Variants in IL1RAPL1 observed in about 807,000 individuals in gnomAD.
IL1RAPL1 encodes the protein interleukin 1 receptor accessory protein like 1, also known as interleukin-1 receptor accessory protein-like 1.
In IL1RAPL1, 3 loss-of-function variants were observed where a neutral mutation model predicts 48.4. The ratio of observed to expected loss-of-function variants is 0.06; its 90% confidence interval spans 0.03 to 0.16. IL1RAPL1 has a LOEUF of 0.16. Among genes scored for constraint, IL1RAPL1 ranks in the 10% least tolerant of loss-of-function variants. IL1RAPL1 has a pLI of 1.00. For missense variants in IL1RAPL1, 349 were observed against 530.6 expected (o/e 0.66, Z 3.36); for synonymous variants, 185 against 187.7 (o/e 0.99, Z 0.12).
At chrX:28,708,065 C>G (rs1002974558) in intron 1 of IL1RAPL1, among the ~76,000 whole-genome samples, 2 of 111,351 alleles carry the variant, frequency 1.8e-5, no homozygotes, top group African/African-American at 3.3e-5. Flanking sequence ...ACCCAGGGAG[C>G]TTGCAAGGCC....
chrX:29,247,144 A>C (rs1457285731), intron 2 of IL1RAPL1, among the ~76,000 whole-genome samples: 1 of 112,030 alleles, frequency 8.9e-6, no homozygotes, highest in Non-Finnish European at 1.9e-5. Flanking sequence ...CTATGCCTAG[A>C]TATTTACTGT....
intron 1 of IL1RAPL1, among the ~76,000 whole-genome samples, chrX:28,741,204 TA>T (rs1362100500): frequency 1.2e-4 from 13 of 111,879 alleles, no homozygotes; most frequent in Admixed American, 1.0e-3. Flanking sequence ...CAATATCTGT[TA>T]TTTTTTTACT....
At chrX:29,846,874 A>C (rs1358130833) in intron 6 of IL1RAPL1, among the ~76,000 whole-genome samples, 1 of 109,263 alleles carries the variant, frequency 9.2e-6, no homozygotes, top group Admixed American at 9.9e-5. Context: ...ATTTTAGCTT[A>C]TGTCCCTATG....
At chrX:29,918,217 T>G (rs1932817876) in intron 7 of IL1RAPL1, among the ~76,000 whole-genome samples, 1 of 83,075 alleles carries the variant, frequency 1.2e-5, no homozygotes, top group African/African-American at 4.6e-5. Flanking sequence ...AGTGTACTTT[T>G]TGTATATGAG....
At position 29,884,961 on chromosome X, in the gene IL1RAPL1, C is replaced by A. The variant is rs572614560; in HGVS notation, c.779-32503C>A. 2.8e-4 allele frequency among the ~76,000 whole-genome samples: 31 copies of A among 111,704 alleles called. No homozygotes were observed. In the Admixed American group the frequency reaches 2.9e-3, roughly 11 times the overall value. On this transcript the variant is annotated intron_variant, in intron 6 of 10. Coordinates refer to ENST00000378993, the MANE Select transcript of IL1RAPL1 (RefSeq NM_014271.4). ...ATAAGGCACTTACCACAGTTTGTTG[C>A]TCCAAAGCTCTCTGTTTTACATTGT...
chrX:29,412,134 G>A (rs189148142), intron 5 of IL1RAPL1, among the ~76,000 whole-genome samples: 2 of 111,084 alleles, frequency 1.8e-5, no homozygotes, highest in East Asian at 5.6e-4. Flanking sequence ...AGCCAGGCGT[G>A]GTGGTCCGCG....
chrX:29,172,983 C>A (rs964590450), intron 2 of IL1RAPL1, among the ~76,000 whole-genome samples: 1 of 111,514 alleles, frequency 9.0e-6, no homozygotes, highest in Non-Finnish European at 1.9e-5. Flanking sequence ...TCTTACAGAA[C>A]AGAGAGGTCT....
At chrX:29,205,435 T>A (rs1252346126) in intron 2 of IL1RAPL1, among the ~76,000 whole-genome samples, 1 of 111,680 alleles carries the variant, frequency 9.0e-6, no homozygotes, top group Non-Finnish European at 1.9e-5. Context: ...CCTGGTCATA[T>A]ATATATTGAT....
At chrX:29,544,538 A>G (rs1173396432) in intron 5 of IL1RAPL1, among the ~76,000 whole-genome samples, 1 of 112,140 alleles carries the variant, frequency 8.9e-6, no homozygotes, top group Non-Finnish European at 1.9e-5. Flanking sequence ...GCTAAAAGCT[A>G]ATTGACTTTG....
chrX:29,319,385 G>A (rs865788630), intron 3 of IL1RAPL1, among the ~76,000 whole-genome samples: 2 of 7,509 alleles, frequency 2.7e-4, no homozygotes, highest in Non-Finnish European at 5.8e-4. Context: ...TTTTTTTTTT[G>A]TAGAGACAGG....
At chrX:28,647,542 A>T (rs1311667394) in intron 1 of IL1RAPL1, among the ~76,000 whole-genome samples, 2 of 112,578 alleles carry the variant, frequency 1.8e-5, no homozygotes, top group African/African-American at 6.5e-5. Context: ...TCTTAGTAGG[A>T]TCTCAAAATG....
chrX:29,073,300 C>T (rs1411386588), intron 2 of IL1RAPL1, among the ~76,000 whole-genome samples: 1 of 111,695 alleles, frequency 9.0e-6, no homozygotes, highest in Non-Finnish European at 1.9e-5. Context: ...TCTTCACTCT[C>T]ACTAAATCTT....
chrX:29,325,919 C>G (rs1210961949), intron 3 of IL1RAPL1, among the ~76,000 whole-genome samples: 2 of 110,809 alleles, frequency 1.8e-5, no homozygotes, highest in Non-Finnish European at 3.8e-5. Flanking sequence ...TTTTAAACAA[C>G]CAGATCTCAC....
At chrX:28,965,051 C>G (rs1274511979) in intron 2 of IL1RAPL1, among the ~76,000 whole-genome samples, 1 of 111,229 alleles carries the variant, frequency 9.0e-6, no homozygotes, top group African/African-American at 3.3e-5. Flanking sequence ...AGACACAAAG[C>G]TCAATCTCAT....
At chrX:29,895,664 A>G (rs1423954898) in intron 6 of IL1RAPL1, among the ~76,000 whole-genome samples, 2 of 113,016 alleles carry the variant, frequency 1.8e-5, no homozygotes, top group Non-Finnish European at 3.7e-5. Context: ...CTTTCTGATA[A>G]GCATTTATTG....
intron 2 of IL1RAPL1, among the ~76,000 whole-genome samples, chrX:29,021,069 C>T (rs1926353312): frequency 9.1e-6 from 1 of 109,354 alleles, no homozygotes; most frequent in African/African-American, 3.3e-5. Context: ...ACTGAAAATG[C>T]AAAAATTAGC....
intron 3 of IL1RAPL1, among the ~76,000 whole-genome samples, chrX:29,342,146 G>T (rs1288997884): frequency 2.1e-5 from 2 of 95,435 alleles, no homozygotes; most frequent in African/African-American, 1.0e-4. Context: ...GTGTGTGTGT[G>T]TGTGTGTGTT....
chrX:29,483,397 C>T (rs1935060824), intron 5 of IL1RAPL1, among the ~76,000 whole-genome samples: 1 of 111,146 alleles, frequency 9.0e-6, no homozygotes. Flanking sequence ...CCAGGTAGCC[C>T]GTGTGAAAAA....
chrX:29,488,103 A>G lies in IL1RAPL1; in HGVS notation c.703+88795A>G, dbSNP rs1390527128. On this transcript the variant is annotated intron_variant, in intron 5 of 10. Coordinates refer to ENST00000378993, the MANE Select transcript of IL1RAPL1 (RefSeq NM_014271.4). ...ACTACAGATCACATAGCTCACCTCC[A>G]TACATCAGAGTATAGGCCTTACTGA... Among the ~76,000 whole-genome samples the G allele has an allele frequency of 4.5e-5, 5 of 112,157 alleles. No individual in the cohort carries two copies. The East Asian group carries it at 1.1e-3, about 25-fold the overall frequency.
Sources: gnomAD v4.1 joint callset for allele counts (sites outside exome capture counted in the v4.1 genomes callset) on GRCh38, gnomAD v4.1.1 for gene constraint, MANE v1.5 for transcripts, NCBI Gene and HGNC (gene_info 2026-07-23, HGNC 2026-07-21) for gene names.